Variants in ZNRF2 observed in about 807,000 individuals in gnomAD.
The protein encoded by ZNRF2 is zinc and ring finger 2.
Under a neutral mutation model 20.4 loss-of-function variants are expected in ZNRF2, and 16 were observed. That is an observed-to-expected ratio of 0.79 (90% CI 0.53 to 1.19). ZNRF2 has a LOEUF of 1.19. ZNRF2 is among the 50% of genes most tolerant of loss of function. The probability of loss-of-function intolerance (pLI) is 0.00; values close to 1 mark genes in which losing one functional copy is unlikely to be tolerated. For synonymous variants in ZNRF2, 178 were observed against 144.9 expected, an observed-to-expected ratio of 1.23 and a Z score of -1.64; for missense variants, 363 against 332.4, an observed-to-expected ratio of 1.09 and a Z score of -0.72.
In ZNRF2 at chr7:30,285,471, C is replaced by A. The variant is rs925096291; in HGVS notation, c.114C>A (p.Gly38=). Residue 38 remains glycine (G), a synonymous_variant, in exon 1 of 5, where the codon GGC becomes GGA. Transcript: ENST00000323037. ...GCGCCAATGGGACCGCGGGCGGCGG[C>A]GGGGGCGCTCGGGCCGCCGCCGCGG... ...SGGANGTAGG[G]GGARAAAAGR... 4 of 1,107,376 alleles carry A rather than the reference C, an allele frequency of 3.6e-6. No homozygotes were observed. In the Admixed American group the frequency reaches 1.7e-4, roughly 46 times the overall value. The allele number at this position is 1,107,376 out of a possible 1,614,324, so 68.6% of individuals were successfully genotyped here.
chr7:30,334,914 A>G (rs149573898), intron 2 of ZNRF2, among the ~76,000 whole-genome samples: 325 of 152,326 alleles, frequency 2.1e-3, no homozygotes, highest in African/African-American at 7.5e-3. Flanking sequence ...TTAGAAGCAT[A>G]GAACCTTTTA....
chr7:30,298,056 T>C (rs1250991294), intron 1 of ZNRF2, among the ~76,000 whole-genome samples: 2 of 152,124 alleles, frequency 1.3e-5, no homozygotes, highest in Non-Finnish European at 2.9e-5. Flanking sequence ...ATAACTCTTT[T>C]GTCAATTTTT....
At chr7:30,328,708 C>CA (rs1248999171) in intron 2 of ZNRF2, among the ~76,000 whole-genome samples, 1 of 152,084 alleles carries the variant, frequency 6.6e-6, no homozygotes, top group Admixed American at 6.6e-5. Context: ...TTTAAATGCA[C>CA]AATATATCTG....
At chr7:30,345,684 A>G (rs557663461) in intron 2 of ZNRF2, among the ~76,000 whole-genome samples, 1 of 152,180 alleles carries the variant, frequency 6.6e-6, no homozygotes, top group African/African-American at 2.4e-5. Context: ...TATATCATTA[A>G]ACATGGTTAT....
At chr7:30,293,086 G>A (rs1376652020) in intron 1 of ZNRF2, among the ~76,000 whole-genome samples, 8 of 152,024 alleles carry the variant, frequency 5.3e-5, no homozygotes, top group South Asian at 2.1e-4. Context: ...TGCATATCCC[G>A]TGTTTTGAAG....
intron 1 of ZNRF2, among the ~76,000 whole-genome samples, chr7:30,321,207 T>C (rs1799464143): frequency 6.6e-6 from 1 of 152,118 alleles, no homozygotes; most frequent in Non-Finnish European, 1.5e-5. Context: ...TGTAATGGAT[T>C]GGGGACCTCG....
In ZNRF2 at chr7:30,367,655, A is replaced by G. The variant is rs771950750; in HGVS notation, c.*1643A>G. The G allele has an allele frequency of 6.6e-6, 1 of 152,000 alleles. No individual in the cohort carries two copies. The highest frequency in any genetic ancestry group is 2.4e-5 in the African/African-American group (1 of 41,430). The allele number at this position is 152,000 out of a possible 1,614,324, so 9.4% of individuals were successfully genotyped here. ...TGCTACCCAGAAAAATGTGTGTATTATAAATAATTAAAGAGTTTTTAATTG... is the reference window on the plus strand; with the variant it reads ...TGCTACCCAGAAAAATGTGTGTATTGTAAATAATTAAAGAGTTTTTAATTG... On this transcript the variant is annotated 3_prime_UTR_variant, in exon 5 of 5. Coordinates refer to ENST00000323037, the MANE Select transcript of ZNRF2 (RefSeq NM_147128.4).
At chr7:30,330,165 A>T (rs1260900262) in intron 2 of ZNRF2, among the ~76,000 whole-genome samples, 9 of 152,176 alleles carry the variant, frequency 5.9e-5, no homozygotes, top group Non-Finnish European at 8.8e-5. Context: ...TTTATATTTA[A>T]GGAATCTTTG....
At chr7:30,334,452 G>A (rs550181407) in intron 2 of ZNRF2, among the ~76,000 whole-genome samples, 1 of 152,220 alleles carries the variant, frequency 6.6e-6, no homozygotes, top group East Asian at 1.9e-4. Context: ...TGTTCTCTTT[G>A]CTTAGGTTTG....
At chr7:30,335,092 T>C (rs1307501869) in intron 2 of ZNRF2, among the ~76,000 whole-genome samples, 1 of 152,138 alleles carries the variant, frequency 6.6e-6, no homozygotes. Context: ...AAGCCTGAAG[T>C]AGGATTGAGG....
intron 1 of ZNRF2, among the ~76,000 whole-genome samples, chr7:30,316,288 C>CAAATAAA (rs1799373728): frequency 3.6e-5 from 1 of 27,474 alleles, no homozygotes; most frequent in African/African-American, 9.2e-5. Context: ...AACTCCATCT[C>CAAATAAA]AAAAAAAAAA....
rs2128053042 is a variant in ZNRF2, at chr7:30,285,638, C to G, written c.281C>G (p.Ala94Gly). Reference protein sequence around the residue: ...GGAVGSVASGARAAQSPFSIP... With the variant: ...GGAVGSVASGGRAAQSPFSIP... Reference sequence around the variant, plus strand: ...GCCGTGGGGAGCGTGGCGTCGGGGGCCCGCGCGGCGCAGTCCCCCTTCAGC... The same window carrying G: ...GCCGTGGGGAGCGTGGCGTCGGGGGGCCGCGCGGCGCAGTCCCCCTTCAGC... The change falls in exon 1 of 5, where the codon GCC (alanine) becomes GGC (glycine). Residue 94 changes from alanine (A) to glycine (G), a missense_variant. Around this residue, in one of 2 missense-constraint regions of ZNRF2, gnomAD observed 302 missense variants for 231.5 expected, o/e 1.30. Transcript: ENST00000323037. 3.0e-5 allele frequency: 37 copies of G among 1,218,376 alleles called. No individual in the cohort carries two copies. The highest frequency in any genetic ancestry group is 1.3e-4 in the Admixed American group (3 of 22,312). The allele number at this position is 1,218,376 out of a possible 1,614,324, so 75.5% of individuals were successfully genotyped here. A position where few individuals can be genotyped will look rare whatever the true frequency, so the allele number is the denominator to read the frequency against.
chr7:30,330,585 A>G (rs1799622678), intron 2 of ZNRF2, among the ~76,000 whole-genome samples: 1 of 152,016 alleles, frequency 6.6e-6, no homozygotes, highest in Non-Finnish European at 1.5e-5. Flanking sequence ...GAAAGAGCAT[A>G]TTTTTTCCCA....
intron 1 of ZNRF2, among the ~76,000 whole-genome samples, chr7:30,296,472 T>A (rs901105666): frequency 6.6e-6 from 1 of 152,200 alleles, no homozygotes; most frequent in African/African-American, 2.4e-5. Context: ...CTTAGATTAT[T>A]TTAGTTACAT....
In ZNRF2 at chr7:30,367,105, A is replaced by G. The variant is rs755530534; in HGVS notation, c.*1093A>G. 1.3e-5 allele frequency: 2 copies of G among 152,552 alleles called. No homozygotes were observed. Among genetic ancestry groups the G allele is most frequent in the Non-Finnish European group, 2.9e-5 (2 of 67,960 alleles). 9.4% of individuals were successfully genotyped at this position (152,552 alleles called of 1,614,324 possible). A position where few individuals can be genotyped will look rare whatever the true frequency, so the allele number is the denominator to read the frequency against. On this transcript the variant is annotated 3_prime_UTR_variant, in exon 5 of 5. Coordinates refer to ENST00000323037, the MANE Select transcript of ZNRF2 (RefSeq NM_147128.4). ...GGATGCCAGGTTTATAGCAATTTGC[A>G]ACTTTAATTTTCCAGATAATCTGGA...
chr7:30,289,416 A>G (rs1438697123), intron 1 of ZNRF2, among the ~76,000 whole-genome samples: 4 of 152,340 alleles, frequency 2.6e-5, no homozygotes, highest in East Asian at 3.9e-4. Flanking sequence ...TCTTACCAAT[A>G]TCAAGTGCCA....
chr7:30,360,243 T>A (rs757014506), intron 3 of ZNRF2, among the ~76,000 whole-genome samples: 21 of 152,160 alleles, frequency 1.4e-4, no homozygotes, highest in Non-Finnish European at 2.4e-4. Flanking sequence ...TTTTTTAAAG[T>A]CATTTGAAAC....
chr7:30,285,045 C>T lies in ZNRF2; in HGVS notation c.-313C>T. On this transcript the variant is annotated 5_prime_UTR_variant, in exon 1 of 5. Coordinates refer to ENST00000323037, the MANE Select transcript of ZNRF2 (RefSeq NM_147128.4). ...CGTGGCGCACCAGAACCGAAACCAG[C>T]GGCAGCCGCACGGCCACTTGAGCCG... 2.5e-6 allele frequency: 1 copy of T among 406,454 alleles called. No individual in the cohort carries two copies. Among genetic ancestry groups the T allele is most frequent in the Non-Finnish European group, 4.9e-6 (1 of 205,994 alleles). 25.2% of individuals were successfully genotyped at this position (406,454 alleles called of 1,614,324 possible).
At chr7:30,313,643 A>G (rs1799323628) in intron 1 of ZNRF2, among the ~76,000 whole-genome samples, 1 of 152,132 alleles carries the variant, frequency 6.6e-6, no homozygotes, top group Admixed American at 6.5e-5. Context: ...TTGCATACTT[A>G]GTCAGATTTC....
Sources: gnomAD v4.1 joint callset for allele counts (sites outside exome capture counted in the v4.1 genomes callset) on GRCh38, gnomAD v4.1.1 for gene constraint, gnomAD v4.1.1 regional missense constraint, MANE v1.5 for transcripts, NCBI Gene and HGNC (gene_info 2026-07-23, HGNC 2026-07-21) for gene names.